The following TBC1D21 variants were observed in gnomAD, a reference collection of about 807,000 sequenced individuals.
TBC1D21 encodes male germ cell Rab GTPase-activating protein.
In TBC1D21, 38 loss-of-function variants were observed where a neutral mutation model predicts 46.0. That is an observed-to-expected ratio of 0.83 (90% CI 0.64 to 1.08). The LOEUF is 1.08. Among genes scored for constraint, TBC1D21 ranks in the 50% least tolerant of loss-of-function variants. TBC1D21 has a pLI of 0.00. For synonymous variants in TBC1D21, 151 were observed against 157.2 expected (o/e 0.96, Z 0.29); for missense variants, 415 against 417.9 (o/e 0.99, Z 0.06).
At chr15:73,906,739 G>T in the TBC1D21 span, among the ~76,000 whole-genome samples, 1 of 152,206 alleles carries the variant, frequency 6.6e-6, no homozygotes, top group Non-Finnish European at 1.5e-5. Flanking sequence ...CAATCAAAGG[G>T]ACAAAGCTAA....
chr15:73,881,358 G>C, intron 1 of TBC1D21, 41 bp from the exon 2 acceptor site: 1 of 1,484,812 alleles, frequency 6.7e-7, no homozygotes, highest in Non-Finnish European at 9.4e-7. Context: ...AAAAGCCGAA[G>C]CCTTCTAACA....
intron 6 of TBC1D21, 27 bp downstream of exon 6, chr15:73,885,130 C>A: frequency 6.3e-7 from 1 of 1,593,670 alleles, no homozygotes; most frequent in Non-Finnish European, 8.6e-7. Context: ...AGCTCAGGGA[C>A]GCCCCTCCCC....
At chr15:73,894,080 G>A (rs2068357633), downstream of TBC1D21, among the ~76,000 whole-genome samples, 2 of 152,242 alleles carry the variant, frequency 1.3e-5, no homozygotes, top group South Asian at 2.1e-4. Context: ...TTACCAGCGA[G>A]GAACCTGAGG....
At chr15:73,894,871 G>A in the TBC1D21 span, among the ~76,000 whole-genome samples, 1 of 152,228 alleles carries the variant, frequency 6.6e-6, no homozygotes, top group South Asian at 2.1e-4. Context: ...AGAGGGAAAA[G>A]GACTTATTTC....
At chr15:73,898,993 C>T in the TBC1D21 span, among the ~76,000 whole-genome samples, 1 of 149,816 alleles carries the variant, frequency 6.7e-6, no homozygotes, top group Non-Finnish European at 1.5e-5. Flanking sequence ...TTTTTTGGCA[C>T]AATGTCTTCA....
At chr15:73,893,022 T>C (rs1429352956), downstream of TBC1D21, among the ~76,000 whole-genome samples, 1 of 152,114 alleles carries the variant, frequency 6.6e-6, no homozygotes, top group Non-Finnish European at 1.5e-5. Flanking sequence ...GATGGTGACA[T>C]CAGTGGCAGA....
At chr15:73,887,766 C>A (rs1442426769) in intron 9 of TBC1D21, 30 bp downstream of exon 9, 1 of 1,587,856 alleles carries the variant, frequency 6.3e-7, no homozygotes, top group Non-Finnish European at 8.6e-7. Context: ...AGCTACCACC[C>A]CTGCTCCTGG....
intron 10 of TBC1D21, 46 bp from the exon 11 acceptor site, chr15:73,889,023 A>G: frequency 6.2e-7 from 1 of 1,609,648 alleles, no homozygotes; most frequent in South Asian, 1.1e-5. Flanking sequence ...GAAGAATGAA[A>G]GGGACAGACC....
the TBC1D21 span, chr15:73,908,330 G>C: frequency 5.3e-5 from 8 of 152,310 alleles, no homozygotes; most frequent in Non-Finnish European, 1.2e-4. Flanking sequence ...ACATTTGTGA[G>C]TGCACTGCAG....
chr15:73,894,797 C>G, the TBC1D21 span, among the ~76,000 whole-genome samples: 1 of 152,188 alleles, frequency 6.6e-6, no homozygotes, highest in South Asian at 2.1e-4. Context: ...CTGGATGGAA[C>G]AAGACCAAGG....
At chr15:73,876,220 T>TTTTG (rs1567062330) in intron 1 of TBC1D21, among the ~76,000 whole-genome samples, 20 of 46,194 alleles carry the variant, frequency 4.3e-4, no homozygotes, top group South Asian at 3.2e-3. Context: ...TTTTTTTTTT[T>TTTTG]TTTTTTTTTT....
At chr15:73,903,059 A>G in the TBC1D21 span, among the ~76,000 whole-genome samples, 4 of 152,080 alleles carry the variant, frequency 2.6e-5, no homozygotes, top group East Asian at 1.9e-4. Context: ...CCCATTGTCC[A>G]TACTTTTCAG....
the TBC1D21 span, among the ~76,000 whole-genome samples, chr15:73,898,428 G>C: frequency 6.6e-6 from 1 of 152,142 alleles, no homozygotes; most frequent in African/African-American, 2.4e-5. Context: ...CTACGCCCAA[G>C]ACCAGCAGTG....
the TBC1D21 span, among the ~76,000 whole-genome samples, chr15:73,896,344 C>A: frequency 6.6e-6 from 1 of 152,108 alleles, no homozygotes; most frequent in East Asian, 1.9e-4. Context: ...GTGACGCTGC[C>A]ATCACAAAGG....
chr15:73,902,220 G>A, the TBC1D21 span, among the ~76,000 whole-genome samples: 2 of 152,150 alleles, frequency 1.3e-5, no homozygotes, highest in Non-Finnish European at 2.9e-5. Flanking sequence ...CTACCACACC[G>A]AAGAACCTAA....
chr15:73,900,507 C>G, the TBC1D21 span, among the ~76,000 whole-genome samples: 1 of 152,160 alleles, frequency 6.6e-6, no homozygotes, highest in Non-Finnish European at 1.5e-5. Context: ...CTTTCTCCTT[C>G]TCCCCTGGAC....
the TBC1D21 span, among the ~76,000 whole-genome samples, chr15:73,905,464 C>G: frequency 6.6e-6 from 1 of 152,168 alleles, no homozygotes. Flanking sequence ...TTCAGTACAA[C>G]CTTTAGATTA....
chr15:73,892,690 GCT>G (rs1364618517), downstream of TBC1D21, among the ~76,000 whole-genome samples: 1 of 152,200 alleles, frequency 6.6e-6, no homozygotes, highest in Non-Finnish European at 1.5e-5. Context: ...TCCATGTCTG[GCT>G]CTCCCTTGGC....
At chr15:73,901,304 C>T in the TBC1D21 span, among the ~76,000 whole-genome samples, 1 of 152,226 alleles carries the variant, frequency 6.6e-6, no homozygotes. Flanking sequence ...GGGCCAGGCT[C>T]TCTTGCCTCA....
Sources: allele counts gnomAD v4.1 joint callset (sites outside exome capture counted in the v4.1 genomes callset), GRCh38; gene constraint gnomAD v4.1.1; transcripts MANE v1.5; gene names NCBI Gene and HGNC (gene_info 2026-07-23, HGNC 2026-07-21).